KAZN: variants seen among roughly 807,000 people sequenced by gnomAD.
The protein encoded by KAZN is kazrin.
In KAZN, 40 loss-of-function variants were observed where a neutral mutation model predicts 87.4. The observed-to-expected ratio is 0.46, with a 90% CI of 0.36 to 0.60. The LOEUF (loss-of-function observed/expected upper bound fraction) is 0.60. Among genes scored for constraint, KAZN ranks in the 20% least tolerant of loss-of-function variants. The pLI is 0.00. For synonymous variants in KAZN, 466 were observed against 458.3 expected, an observed-to-expected ratio of 1.02 and a Z score of -0.22; for missense variants, 898 against 1,073.9, an observed-to-expected ratio of 0.84 and a Z score of 2.29.
chr1:14,722,083 C>T (rs377417764), intron 1 of KAZN, among the ~76,000 whole-genome samples: 1 of 151,556 alleles, frequency 6.6e-6, no homozygotes, highest in East Asian at 1.9e-4. Flanking sequence ...ACCCAGGAGG[C>T]GGAGGTTGCA....
At chr1:13,894,400 ATAAAAAAAAAAAGGTGAGGATGG>A (rs1367847187) in intron 1 of KAZN, among the ~76,000 whole-genome samples, 1 of 35,536 alleles carries the variant, frequency 2.8e-5, no homozygotes, top group African/African-American at 4.0e-4. Flanking sequence ...ATGTGGTCAC[ATAAAAAAAAAAAGGTGAGGATGG>A]ATGGCTTGGT....
intron 2 of KAZN, among the ~76,000 whole-genome samples, chr1:14,193,146 C>G (rs1008098341): frequency 6.6e-6 from 1 of 152,130 alleles, no homozygotes; most frequent in Non-Finnish European, 1.5e-5. Context: ...GAAGAAGGTG[C>G]CTTGCTTCCG....
intron 1 of KAZN, among the ~76,000 whole-genome samples, chr1:14,714,344 G>T (rs1008427355): frequency 6.6e-6 from 1 of 152,106 alleles, no homozygotes; most frequent in Non-Finnish European, 1.5e-5. Flanking sequence ...CTGGATAATT[G>T]GCTCTGCACG....
At chr1:14,287,625 A>G (rs1653355892) in intron 2 of KAZN, among the ~76,000 whole-genome samples, 4 of 152,202 alleles carry the variant, frequency 2.6e-5, no homozygotes, top group African/African-American at 9.7e-5. Context: ...GTCATTTGCA[A>G]ACAGGGACAA....
At chr1:14,063,343 A>C (rs1299530543) in intron 1 of KAZN, among the ~76,000 whole-genome samples, 5 of 152,230 alleles carry the variant, frequency 3.3e-5, no homozygotes, top group Non-Finnish European at 7.3e-5. Flanking sequence ...ATAATGAAAA[A>C]GAAATACTGT....
chr1:14,100,371 G>A (rs573725500), intron 1 of KAZN, among the ~76,000 whole-genome samples: 2 of 152,298 alleles, frequency 1.3e-5, no homozygotes, highest in South Asian at 4.2e-4. Context: ...CAAGTGCAGT[G>A]GTTTCCAGGT....
At chr1:14,937,837 G>T (rs1479892866) in intron 1 of KAZN, among the ~76,000 whole-genome samples, 1 of 152,242 alleles carries the variant, frequency 6.6e-6, no homozygotes, top group Non-Finnish European at 1.5e-5. Flanking sequence ...GGCGCTGATT[G>T]CTCTCCTTTA....
intron 1 of KAZN, among the ~76,000 whole-genome samples, chr1:14,062,727 T>A (rs1159190887): frequency 6.6e-6 from 1 of 151,990 alleles, no homozygotes; most frequent in Non-Finnish European, 1.5e-5. Flanking sequence ...ACCGTCCAAA[T>A]CAATCTTTAA....
intron 1 of KAZN, among the ~76,000 whole-genome samples, chr1:14,688,707 G>A (rs920074790): frequency 6.6e-6 from 1 of 152,242 alleles, no homozygotes; most frequent in African/African-American, 2.4e-5. Flanking sequence ...AGTTCTCAGT[G>A]CACACGTACT....
chr1:14,727,910 A>T (rs1206687231), intron 1 of KAZN, among the ~76,000 whole-genome samples: 1 of 152,144 alleles, frequency 6.6e-6, no homozygotes, highest in Non-Finnish European at 1.5e-5. Context: ...GCAACAGATC[A>T]TCAGGCACTG....
chr1:14,039,700 A>G (rs1399333799), intron 1 of KAZN, among the ~76,000 whole-genome samples: 4 of 152,208 alleles, frequency 2.6e-5, no homozygotes, highest in Non-Finnish European at 4.4e-5. Context: ...CATGCTGTTG[A>G]TCAATATAAA....
chr1:15,030,296 C>G (rs144620819), intron 2 of KAZN, among the ~76,000 whole-genome samples: 41,040 of 151,780 alleles, frequency 0.27, 5,812 homozygotes, highest in South Asian at 0.32. Flanking sequence ...GAGACAGAGT[C>G]TCACTCTGTC....
At chr1:14,075,386 C>T (rs923359481) in intron 1 of KAZN, among the ~76,000 whole-genome samples, 6 of 152,130 alleles carry the variant, frequency 3.9e-5, no homozygotes, top group African/African-American at 1.4e-4. Context: ...TCCTGTGGAT[C>T]ACCTTTGTCG....
intron 8 of KAZN, among the ~76,000 whole-genome samples, chr1:15,090,712 A>G (rs909063324): frequency 7.4e-4 from 112 of 152,324 alleles, no homozygotes; most frequent in African/African-American, 2.6e-3. Context: ...GGGAAACGTG[A>G]TAATGTTGGC....
chr1:14,096,515 G>A (rs1035597496), intron 1 of KAZN, among the ~76,000 whole-genome samples: 2 of 152,210 alleles, frequency 1.3e-5, no homozygotes, highest in Non-Finnish European at 2.9e-5. Context: ...AGGCATGATC[G>A]ACAATGATAG....
chr1:14,775,601 C>T (rs767313843), intron 1 of KAZN, among the ~76,000 whole-genome samples: 3 of 152,190 alleles, frequency 2.0e-5, no homozygotes, highest in African/African-American at 2.4e-5. Flanking sequence ...AAGGTGGCTC[C>T]GAGGGGAATA....
At chr1:14,663,060 T>A (rs1310695055) in intron 1 of KAZN, among the ~76,000 whole-genome samples, 2 of 151,606 alleles carry the variant, frequency 1.3e-5, no homozygotes, top group Non-Finnish European at 2.9e-5. Context: ...AGCCTTGACC[T>A]CCTGGGCTCA....
At chr1:15,016,244 A>C (rs895828023) in intron 2 of KAZN, among the ~76,000 whole-genome samples, 1 of 152,182 alleles carries the variant, frequency 6.6e-6, no homozygotes, top group African/African-American at 2.4e-5. Flanking sequence ...TGGCTCTGCC[A>C]CACCTTGATT....
At chr1:14,789,268 G>A (rs918632684) in intron 1 of KAZN, among the ~76,000 whole-genome samples, 1 of 152,040 alleles carries the variant, frequency 6.6e-6, no homozygotes, top group Non-Finnish European at 1.5e-5. Flanking sequence ...TAAAACTAGA[G>A]CCATCCCAGA....
Sources: allele counts gnomAD v4.1 joint callset (sites outside exome capture counted in the v4.1 genomes callset), GRCh38; gene constraint gnomAD v4.1.1; transcripts MANE v1.5; gene names NCBI Gene and HGNC (gene_info 2026-07-23, HGNC 2026-07-21).